The following SEC16B variants were observed in gnomAD, a reference collection of about 807,000 sequenced individuals.
The protein encoded by SEC16B is SEC16 homolog B, endoplasmic reticulum export factor, also known as protein transport protein Sec16B.
In SEC16B, 115 loss-of-function variants were observed where a neutral mutation model predicts 141.8. The ratio of observed to expected loss-of-function variants is 0.81; its 90% CI spans 0.70 to 0.95. SEC16B has a LOEUF of 0.95. SEC16B is among the 40% of genes least tolerant of loss of function. SEC16B has a pLI of 0.00. For synonymous variants in SEC16B, 493 were observed against 492.5 expected, an observed-to-expected ratio of 1.00 and a Z score of -0.01; for missense variants, 1,291 against 1,312.3, an observed-to-expected ratio of 0.98 and a Z score of 0.25.
Position 177,967,965 on chromosome 1 carries a change from G to A in SEC16B, c.17C>T (p.Pro6Leu), listed in dbSNP as rs761084995. Residue 6 changes from proline (P) to leucine (L), a missense_variant, in exon 2 of 26, where the codon CCC becomes CTC. By Grantham distance (98) the Pro-to-Leu change is moderately conservative. This residue lies in a region of SEC16B where 681 missense variants were observed against 675.5 expected (regional missense o/e 1.01). Transcript: ENST00000308284. ...CCCTCGTGTCTGGGGCAGCCTCTGG[G>A]GAGCCCAAAGTTCCATCCTTGACTC... MELWA[P>L]QRLPQTRGKA... 96 of 1,606,936 alleles carry A rather than the reference G, an allele frequency of 6.0e-5. 1 individual carries two copies. In the Admixed American group the frequency reaches 1.6e-3, roughly 27 times the overall value.
chr1:177,976,545 C>T (rs1447468750), intron 1 of SEC16B, among the ~76,000 whole-genome samples: 1 of 152,158 alleles, frequency 6.6e-6, no homozygotes, highest in East Asian at 1.9e-4. Context: ...TCCTACTATG[C>T]TGGTTGTGTG....
At chr1:177,963,204 C>T (rs1233382307) in intron 5 of SEC16B, among the ~76,000 whole-genome samples, 1 of 151,962 alleles carries the variant, frequency 6.6e-6, no homozygotes, top group African/African-American at 2.4e-5. Flanking sequence ...TACTATTAGT[C>T]ATAATAATAT....
chr1:177,938,028 C>G (rs1650992796), intron 18 of SEC16B, among the ~76,000 whole-genome samples: 1 of 152,226 alleles, frequency 6.6e-6, no homozygotes, highest in African/African-American at 2.4e-5. Context: ...ACCCCTACAC[C>G]TTAAGAAAAA....
chr1:177,963,921 A>C (rs1412838129), intron 5 of SEC16B, among the ~76,000 whole-genome samples: 1 of 152,150 alleles, frequency 6.6e-6, no homozygotes, highest in Admixed American at 6.5e-5. Context: ...GCTAGGTGAC[A>C]TTTCTTGATC....
chr1:177,961,735 C>T lies in SEC16B; in HGVS notation c.643-1G>A, dbSNP rs1390347319. On this transcript the variant is annotated splice_acceptor_variant, in intron 5 of 25. Transcript: ENST00000308284. LOFTEE classifies it high-confidence loss of function. Reference sequence around the variant, plus strand: ...GGTTGGACTCACTAGCCAATGATGGCTGAAAGTTAAAAACAAAAACACACA... The same window carrying T: ...GGTTGGACTCACTAGCCAATGATGGTTGAAAGTTAAAAACAAAAACACACA... 1.9e-6 allele frequency: 3 copies of T among 1,612,888 alleles called. No individual in the cohort carries two copies. The highest frequency in any genetic ancestry group is 1.3e-5 in the African/African-American group (1 of 74,872).
rs34329337 is a variant in SEC16B, at chr1:177,933,271, G to A, written c.2766C>T (p.Pro922=). The change falls in exon 22 of 26, where the codon CCC becomes CCT. Residue 922 remains proline, a synonymous_variant. Coordinates refer to ENST00000308284, the MANE Select transcript of SEC16B (RefSeq NM_033127.4). The part of the protein sequence containing the change: ...FGWFSWFRSK[P]TKNASPAGDE... The stretch of plus-strand genomic sequence containing the variant: ...CTCCAGCGGGGGATGCGTTCTTGGT[G>A]GGCTTCGATCGAAACCAGCTGAACC... The A allele has an allele frequency of 1.1e-3, 1,706 of 1,601,298 alleles. 17 individuals carry two copies. In the African/African-American group the frequency reaches 0.02, roughly 19 times the overall value.
chr1:177,970,630 C>A (rs1653899572), upstream of SEC16B, among the ~76,000 whole-genome samples: 1 of 152,146 alleles, frequency 6.6e-6, no homozygotes, highest in African/African-American at 2.4e-5. Flanking sequence ...GTAATAAATT[C>A]TGTCATCTAG....
chr1:177,940,582 C>T (rs377403531), intron 17 of SEC16B, 28 bp downstream of exon 17: 3 of 1,534,252 alleles, frequency 2.0e-6, no homozygotes, highest in Non-Finnish European at 2.7e-6. Context: ...GCCAGTCCCC[C>T]CAACGCCCTG....
chr1:177,961,421 C>T (rs1301360802), intron 6 of SEC16B, 169 bp downstream of exon 6: 5 of 634,026 alleles, frequency 7.9e-6, no homozygotes, highest in Non-Finnish European at 1.3e-5. Context: ...ATTACTATTA[C>T]AAGCAAAAAG....
At chr1:177,940,558 A>G (rs1651201018) in intron 17 of SEC16B, 52 bp downstream of exon 17, 1 of 1,284,052 alleles carries the variant, frequency 7.8e-7, no homozygotes, top group Admixed American at 1.7e-5. Flanking sequence ...AGGGGTGGGA[A>G]GAGGGAAACA....
rs556810163 is a variant in SEC16B at position 177,929,113 on chromosome 1, C to T, written c.*745G>A. The T allele has an allele frequency of 2.0e-5, 3 of 152,634 alleles. No homozygotes were observed. Among genetic ancestry groups the T allele is most frequent in the Non-Finnish European group, 2.9e-5 (2 of 68,040 alleles). The allele number at this position is 152,634 out of a possible 1,614,324, so 9.5% of individuals were successfully genotyped here. A position where few individuals can be genotyped will look rare whatever the true frequency, so the allele number is the denominator to read the frequency against. On this transcript the variant is annotated 3_prime_UTR_variant, in exon 26 of 26. Coordinates refer to ENST00000308284, the MANE Select transcript of SEC16B (RefSeq NM_033127.4). The stretch of plus-strand genomic sequence containing the variant: ...ATGAAAGGGATGAATTTTTAGGAAC[C>T]GTTTTCCATCATTTATTATACTGAT...
intron 1 of SEC16B, among the ~76,000 whole-genome samples, chr1:177,968,304 CAAT>C (rs1653716848): frequency 6.6e-6 from 1 of 152,122 alleles, no homozygotes; most frequent in Non-Finnish European, 1.5e-5. Context: ...AGACAGATAA[CAAT>C]AATAGGTACA....
At chr1:177,960,500 G>T in intron 7 of SEC16B, 97 bp from the exon 8 acceptor site, 2 of 887,642 alleles carry the variant, frequency 2.3e-6, no homozygotes, top group Non-Finnish European at 1.8e-6. Flanking sequence ...GTGGGGCTAG[G>T]ATATGGCTCA....
At chr1:177,966,031 C>A in intron 2 of SEC16B, 26 bp from the exon 3 acceptor site, 2 of 1,370,974 alleles carry the variant, frequency 1.5e-6, no homozygotes, top group South Asian at 2.5e-5. Context: ...GAAGACTGGT[C>A]AGTTGAGGAC....
At chr1:177,947,248 C>T (rs16828584) in intron 13 of SEC16B, among the ~76,000 whole-genome samples, 3,370 of 152,290 alleles carry the variant, frequency 0.022, 106 homozygotes, top group African/African-American at 0.075. Flanking sequence ...TGATCTGGAA[C>T]ACTCAATAGC....
intron 12 of SEC16B, among the ~76,000 whole-genome samples, chr1:177,948,922 TACACACAC>T (rs71108020): frequency 0.15 from 22,073 of 149,324 alleles, 1,788 homozygotes; most frequent in Middle Eastern, 0.21. Context: ...TAGGTATAAA[TACACACAC>T]ACACACACAC....
chr1:177,942,683 C>G (rs1286822093), intron 15 of SEC16B, among the ~76,000 whole-genome samples: 2 of 151,730 alleles, frequency 1.3e-5, no homozygotes, highest in African/African-American at 4.8e-5. Context: ...AAAAAAGAAG[C>G]AAAATTAGAC....
intron 24 of SEC16B, among the ~76,000 whole-genome samples, chr1:177,931,042 A>G (rs1650375191): frequency 6.6e-6 from 1 of 152,224 alleles, no homozygotes; most frequent in Non-Finnish European, 1.5e-5. Context: ...TAAAAGTAGA[A>G]CTACCATTTG....
chr1:177,940,564 A>G (rs771583468), intron 17 of SEC16B, 46 bp downstream of exon 17: 4 of 1,390,738 alleles, frequency 2.9e-6, no homozygotes, highest in African/African-American at 1.4e-5. Context: ...GGGAAGAGGG[A>G]AACAAAGGCC....
Sources: allele counts gnomAD v4.1 joint callset (sites outside exome capture counted in the v4.1 genomes callset), GRCh38; gene constraint gnomAD v4.1.1; regional missense constraint gnomAD v4.1.1; transcripts MANE v1.5; gene names NCBI Gene and HGNC (gene_info 2026-07-23, HGNC 2026-07-21).